KCNN3: variants seen among roughly 807,000 people sequenced by gnomAD.
The protein encoded by KCNN3 is small conductance calcium-activated potassium channel protein 3.
Under a neutral mutation model 62.9 loss-of-function variants are expected in KCNN3, and 16 were observed. The observed-to-expected ratio is 0.25, with a 90% CI of 0.17 to 0.39. The LOEUF is 0.39. Among genes scored for constraint, KCNN3 ranks in the 10% least tolerant of loss-of-function variants. The pLI is 1.00. For missense variants in KCNN3, 599 were observed against 949.4 expected (o/e 0.63, Z 4.85); for synonymous variants, 370 against 389.2 (o/e 0.95, Z 0.58).
chr1:154,864,133 G>A (rs1382637537), intron 1 of KCNN3, among the ~76,000 whole-genome samples: 1 of 152,174 alleles, frequency 6.6e-6, no homozygotes, highest in African/African-American at 2.4e-5. Flanking sequence ...CAGTGGGCTC[G>A]CAGGCTCTCA....
Position 154,862,234 on chromosome 1 carries a change from G to A in KCNN3, c.933+6798C>T, listed in dbSNP as rs1652795987. On this transcript the variant is annotated intron_variant, in intron 1 of 7. Coordinates refer to ENST00000271915, the MANE Select transcript of KCNN3 (RefSeq NM_002249.6). This position sits in a 1 kb window ranked among gnomAD's most constrained non-coding sequence, Gnocchi z 4.1. ...CCTGGAGTGAGGCACTCAACCCTGG[G>A]AACCCCTGTGCAGCCGAGTTTTCTC... 6.6e-6 allele frequency among the ~76,000 whole-genome samples: 1 copy of A among 152,120 alleles called. No homozygotes were observed. Among genetic ancestry groups the A allele is most frequent in the African/African-American group, 2.4e-5 (1 of 41,404 alleles).
At chr1:154,775,010 C>T (rs999885384) in intron 2 of KCNN3, among the ~76,000 whole-genome samples, 2 of 152,370 alleles carry the variant, frequency 1.3e-5, no homozygotes, top group Non-Finnish European at 1.5e-5. Flanking sequence ...ACTGGATCAG[C>T]GTGGATTTGC....
At chr1:154,812,512 G>GT (rs1201300966) in intron 2 of KCNN3, among the ~76,000 whole-genome samples, 1 of 152,044 alleles carries the variant, frequency 6.6e-6, no homozygotes, top group East Asian at 1.9e-4. Context: ...GCGGTGTTTG[G>GT]TTTTTTGTCC....
At position 154,822,100 on chromosome 1, in the gene KCNN3, G is replaced by A. The variant is rs775927958; in HGVS notation, c.1018C>T (p.Arg340Cys). 1.2e-6 allele frequency: 2 copies of A among 1,613,074 alleles called. No individual in the cohort carries two copies. Among genetic ancestry groups the A allele is most frequent in the East Asian group, 2.2e-5 (1 of 44,880 alleles). ...GTGGGGGCACCTACCTGGACTTCAC[G>A]TGTGTGGTAGGCGATGATCAAGCCC... ...LLGLIIAYHT[R>C]EVQLFVIDNG... Residue 340 changes from arginine (R) to cysteine (C), a missense_variant, in exon 2 of 8, where the codon CGT (arginine) becomes TGT (cysteine). Arg to Cys is a radical substitution (Grantham distance 180, BLOSUM62 -3). Transcript: ENST00000271915.
intron 3 of KCNN3, among the ~76,000 whole-genome samples, chr1:154,734,697 C>A (rs73005409): frequency 6.6e-6 from 1 of 152,236 alleles, no homozygotes; most frequent in Admixed American, 6.5e-5. Flanking sequence ...AGTCAGGGAG[C>A]AGCAAGAGCA....
In KCNN3 at chr1:154,806,607, CTAAT is replaced by C. The variant is rs779022125; in HGVS notation, c.1029+15478_1029+15481del. 2.6e-4 allele frequency among the ~76,000 whole-genome samples: 40 copies of C among 152,220 alleles called. No individual in the cohort carries two copies. In the Middle Eastern group the frequency reaches 0.01, roughly 39 times the overall value. On this transcript the variant is annotated intron_variant, in intron 2 of 7. Coordinates refer to ENST00000271915, the MANE Select transcript of KCNN3 (RefSeq NM_002249.6). ...TATTTCATTTTCTTTTCATAAAGGC[CTAAT>C]TAATACTGCAGTCATTATTGATTCA...
At chr1:154,766,133 C>T (rs989239390) in intron 3 of KCNN3, among the ~76,000 whole-genome samples, 9 of 151,888 alleles carry the variant, frequency 5.9e-5, no homozygotes, top group South Asian at 2.1e-4. Flanking sequence ...AGAAGGGGAT[C>T]GCTACAGGCT....
In KCNN3 at chr1:154,755,593, G is replaced by A. The variant is rs201343378; in HGVS notation, c.1448+16382C>T. On this transcript the variant is annotated intron_variant, in intron 3 of 7. Coordinates refer to ENST00000271915, the MANE Select transcript of KCNN3 (RefSeq NM_002249.6). ...GAGAGAGAGAAAGAAAGAAAGAAGG[G>A]AGGGAGGGAGGGGGAGGGAGGGAGG... 7.6e-5 allele frequency among the ~76,000 whole-genome samples: 6 copies of A among 78,920 alleles called. No homozygotes were observed. In the East Asian group the frequency reaches 1.9e-3, roughly 25 times the overall value. The allele number at this position is 78,920 out of a possible 152,430, so 51.8% of individuals were successfully genotyped here. A position where few individuals can be genotyped will look rare whatever the true frequency, so the allele number is the denominator to read the frequency against.
At chr1:154,743,495 C>A (rs544172298) in intron 3 of KCNN3, among the ~76,000 whole-genome samples, 1 of 152,378 alleles carries the variant, frequency 6.6e-6, no homozygotes, top group South Asian at 2.1e-4. Flanking sequence ...GCAGCTCCTT[C>A]ACCCAGCCAG....
At chr1:154,745,158 C>T (rs1700912395) in intron 3 of KCNN3, among the ~76,000 whole-genome samples, 1 of 152,096 alleles carries the variant, frequency 6.6e-6, no homozygotes, top group African/African-American at 2.4e-5. Flanking sequence ...TTTCCTCTAC[C>T]AGGTAATTCA....
chr1:154,707,566 G>A lies in KCNN3; in HGVS notation c.*410C>T, dbSNP rs575980767. 1.9e-4 allele frequency: 31 copies of A among 167,536 alleles called. No individual in the cohort carries two copies. Among genetic ancestry groups the A allele is most frequent in the Non-Finnish European group, 3.0e-4 (23 of 77,740 alleles). The allele number at this position is 167,536 out of a possible 1,614,324, so 10.4% of individuals were successfully genotyped here. Reference sequence around the variant, plus strand: ...TGTTCAAAGACCCCCATGGCGAAGAGCCCATCCCCCAAGCCTGACACAACC... The same window carrying A: ...TGTTCAAAGACCCCCATGGCGAAGAACCCATCCCCCAAGCCTGACACAACC... On this transcript the variant is annotated 3_prime_UTR_variant, in exon 8 of 8. Transcript: ENST00000271915.
At chr1:154,789,730 C>T (rs1039755722) in intron 2 of KCNN3, among the ~76,000 whole-genome samples, 1 of 152,142 alleles carries the variant, frequency 6.6e-6, no homozygotes, top group Non-Finnish European at 1.5e-5. Flanking sequence ...GCTTTTGTTA[C>T]TCTCTAGACT....
At chr1:154,783,212 C>CA (rs11319743) in intron 2 of KCNN3, among the ~76,000 whole-genome samples, 28,226 of 140,062 alleles carry the variant, frequency 0.2, 2,867 homozygotes, top group South Asian at 0.27. Context: ...GACTCCATCT[C>CA]AAAAAAAAAA....
At chr1:154,759,833 T>C (rs1440773138) in intron 3 of KCNN3, among the ~76,000 whole-genome samples, 1 of 151,990 alleles carries the variant, frequency 6.6e-6, no homozygotes, top group African/African-American at 2.4e-5. Flanking sequence ...AATTTGGGGA[T>C]TGACTTGACT....
At chr1:154,752,527 C>T (rs1479105284) in intron 3 of KCNN3, among the ~76,000 whole-genome samples, 2 of 152,308 alleles carry the variant, frequency 1.3e-5, no homozygotes, top group South Asian at 2.1e-4. Context: ...GACCCTGGCT[C>T]GCTTACCTCC....
intron 3 of KCNN3, among the ~76,000 whole-genome samples, chr1:154,754,326 T>A (rs111596103): frequency 3.6e-4 from 55 of 152,036 alleles, no homozygotes; most frequent in African/African-American, 1.3e-3. Flanking sequence ...ATAAGAACCA[T>A]AGAGCTTGGT....
chr1:154,792,917 A>G (rs778286696), intron 2 of KCNN3, among the ~76,000 whole-genome samples: 1 of 152,124 alleles, frequency 6.6e-6, no homozygotes, highest in Non-Finnish European at 1.5e-5. Context: ...TCCTTCAGCC[A>G]GGTCTCAGGC....
intron 2 of KCNN3, among the ~76,000 whole-genome samples, chr1:154,782,994 T>C (rs1165598582): frequency 6.6e-6 from 1 of 152,112 alleles, no homozygotes; most frequent in South Asian, 2.1e-4. Context: ...GGGCGGATCA[T>C]GAGGTCAGGA....
intron 2 of KCNN3, among the ~76,000 whole-genome samples, chr1:154,815,103 A>G (rs1212328993): frequency 6.6e-6 from 1 of 152,104 alleles, no homozygotes; most frequent in African/African-American, 2.4e-5. Flanking sequence ...ACCTGAGTTA[A>G]GGAGCTGACA....
Sources: gnomAD v4.1 joint callset for allele counts (sites outside exome capture counted in the v4.1 genomes callset) on GRCh38, gnomAD v4.1.1 for gene constraint, Gnocchi (gnomAD v3.1) non-coding constraint, MANE v1.5 for transcripts, NCBI Gene and HGNC (gene_info 2026-07-23, HGNC 2026-07-21) for gene names.